SGCD: variants seen among roughly 807,000 people sequenced by gnomAD.
SGCD encodes the protein delta-sarcoglycan.
A neutral mutation model predicts 36.6 loss-of-function variants in SGCD; 18 were observed. The observed-to-expected ratio is 0.49, with a 90% confidence interval of 0.34 to 0.73. The LOEUF (loss-of-function observed/expected upper bound fraction) is 0.73, where lower values mean the gene tolerates loss of function less well. Ranked by LOEUF, SGCD falls within the 30% of genes least tolerant of loss-of-function variation. The pLI is 0.01. For missense variants in SGCD, 387 were observed against 346.7 expected, an observed-to-expected ratio of 1.12 and a Z score of -0.92; for synonymous variants, 133 against 130.6, an observed-to-expected ratio of 1.02 and a Z score of -0.12.
At chr5:156,608,626 C>G (rs529174395) in intron 6 of SGCD, among the ~76,000 whole-genome samples, 1 of 152,246 alleles carries the variant, frequency 6.6e-6, no homozygotes, top group African/African-American at 2.4e-5. Flanking sequence ...ATTGATCTGT[C>G]TAATGTTGAC....
chr5:156,701,800 A>G (rs901201998), intron 7 of SGCD, among the ~76,000 whole-genome samples: 23 of 152,192 alleles, frequency 1.5e-4, no homozygotes, highest in African/African-American at 3.4e-4. Context: ...AAGATTCCCA[A>G]TAACCAATAT....
chr5:156,751,185 G>C (rs902920659), intron 7 of SGCD, among the ~76,000 whole-genome samples: 1 of 152,016 alleles, frequency 6.6e-6, no homozygotes, highest in African/African-American at 2.4e-5. Context: ...TAATAGACTA[G>C]AAAACCCCAA....
intron 7 of SGCD, among the ~76,000 whole-genome samples, chr5:156,737,009 G>A (rs1454308852): frequency 1.3e-5 from 2 of 152,098 alleles, no homozygotes; most frequent in East Asian, 1.9e-4. Flanking sequence ...TGCAAAGTAG[G>A]TAAGCTAGTT....
chr5:155,981,804 T>C (rs1758235137), intron 1 of SGCD, among the ~76,000 whole-genome samples: 1 of 152,186 alleles, frequency 6.6e-6, no homozygotes, highest in Admixed American at 6.5e-5. Flanking sequence ...AGAATTCTTT[T>C]GAGACTTGGC....
the SGCD span, among the ~76,000 whole-genome samples, chr5:155,735,615 C>T: frequency 0.042 from 6,391 of 152,250 alleles, 270 homozygotes; most frequent in African/African-American, 0.11. Context: ...TTAACACATG[C>T]TTGGTGAGCT....
chr5:156,655,320 T>G (rs73301180), intron 7 of SGCD, among the ~76,000 whole-genome samples: 4,039 of 152,090 alleles, frequency 0.027, 179 homozygotes, highest in African/African-American at 0.092. Flanking sequence ...TTCTGTTTGT[T>G]CTTATTTTGT....
chr5:156,053,473 T>C (rs1759974202), intron 1 of SGCD, among the ~76,000 whole-genome samples: 1 of 146,296 alleles, frequency 6.8e-6, no homozygotes, highest in African/African-American at 2.5e-5. Flanking sequence ...GCACTCAGTA[T>C]GCTCCTTTGT....
chr5:156,641,468 T>G (rs1279543948), intron 6 of SGCD, among the ~76,000 whole-genome samples: 1 of 152,208 alleles, frequency 6.6e-6, no homozygotes, highest in East Asian at 1.9e-4. Flanking sequence ...AATTATTAGT[T>G]TATTCATAAT....
chr5:156,196,147 T>G (rs1008412424), intron 3 of SGCD, among the ~76,000 whole-genome samples: 3 of 152,174 alleles, frequency 2.0e-5, no homozygotes, highest in African/African-American at 7.2e-5. Flanking sequence ...AGCCACTATA[T>G]TGGGTCACTA....
At chr5:156,127,125 T>C (rs1332564897) in intron 3 of SGCD, among the ~76,000 whole-genome samples, 1 of 152,214 alleles carries the variant, frequency 6.6e-6, no homozygotes, top group African/African-American at 2.4e-5. Context: ...TGTATATTTG[T>C]ATGTGTATAT....
chr5:155,896,291 T>C (rs1397979286), intron 1 of SGCD, among the ~76,000 whole-genome samples: 7 of 152,102 alleles, frequency 4.6e-5, no homozygotes, highest in Admixed American at 2.0e-4. Context: ...TTTAGCCTTT[T>C]AGATTTTTAA....
At chr5:156,111,510 T>C (rs1442567691) in intron 1 of SGCD, among the ~76,000 whole-genome samples, 2 of 152,160 alleles carry the variant, frequency 1.3e-5, no homozygotes, top group East Asian at 3.9e-4. Context: ...CAGAGATGCA[T>C]TGAGTAGAGA....
At chr5:156,618,799 G>A (rs114645617) in intron 6 of SGCD, among the ~76,000 whole-genome samples, 2,812 of 152,208 alleles carry the variant, frequency 0.018, 37 homozygotes, top group South Asian at 0.03. Flanking sequence ...AGAGGGAAAT[G>A]TGATTTAATA....
chr5:156,152,688 CTT>C (rs1467765310), intron 3 of SGCD, among the ~76,000 whole-genome samples: 4 of 151,736 alleles, frequency 2.6e-5, no homozygotes, highest in African/African-American at 7.3e-5. Context: ...TATATTGAAA[CTT>C]CACCTTTTCT....
intron 3 of SGCD, among the ~76,000 whole-genome samples, chr5:156,506,072 C>T (rs1483336833): frequency 2.0e-5 from 3 of 152,088 alleles, no homozygotes; most frequent in African/African-American, 7.2e-5. Context: ...CTGTATTTTC[C>T]TAGTAGGATA....
At chr5:156,415,454 C>G (rs1435843792) in intron 3 of SGCD, among the ~76,000 whole-genome samples, 1 of 152,130 alleles carries the variant, frequency 6.6e-6, no homozygotes, top group Non-Finnish European at 1.5e-5. Context: ...AGCACGTGGT[C>G]TCAGGTGGGT....
chr5:156,073,345 C>T (rs936571294), intron 1 of SGCD, among the ~76,000 whole-genome samples: 9 of 152,232 alleles, frequency 5.9e-5, no homozygotes, highest in Admixed American at 5.9e-4. Flanking sequence ...ATTACTTTAG[C>T]CCAGGATTTC....
intron 4 of SGCD, among the ~76,000 whole-genome samples, chr5:156,563,961 T>G (rs886777769): frequency 3.9e-5 from 6 of 152,260 alleles, no homozygotes; most frequent in African/African-American, 1.4e-4. Flanking sequence ...TTTGCCATAC[T>G]TAATCTCTTT....
rs187068567 is a variant in SGCD, at chr5:156,727,337, C to A, written c.576-30244C>A. On this transcript the variant is annotated intron_variant, in intron 7 of 8. Transcript: ENST00000337851. ...ACAAGGGTAGCAGGGGGAGTTATTT[C>A]TAAAGCTGGATTTTACAAGGAGTGG... Among the ~76,000 whole-genome samples, 152 of 152,176 alleles carry A rather than the reference C, an allele frequency of 1.0e-3. 3 individuals are homozygous for A. The highest frequency in any genetic ancestry group is 3.6e-3 in the African/African-American group (148 of 41,512).
Sources: allele counts gnomAD v4.1 joint callset (sites outside exome capture counted in the v4.1 genomes callset), GRCh38; gene constraint gnomAD v4.1.1; transcripts MANE v1.5; gene names NCBI Gene and HGNC (gene_info 2026-07-23, HGNC 2026-07-21).